Variants in RBKS observed in about 807,000 individuals in gnomAD.
RBKS encodes ribokinase.
Under a neutral mutation model 33.9 loss-of-function variants are expected in RBKS, and 33 were observed. The ratio of observed to expected loss-of-function variants is 0.97; its 90% CI spans 0.74 to 1.30. The LOEUF (loss-of-function observed/expected upper bound fraction) is 1.30, where lower values mean the gene tolerates loss of function less well. Ranked by LOEUF, RBKS falls within the 50% of genes most tolerant of loss-of-function variation. RBKS has a pLI of 0.00. For synonymous variants in RBKS, 125 were observed against 143.0 expected (o/e 0.87, Z 0.90); for missense variants, 361 against 392.6 (o/e 0.92, Z 0.68).
intron 5 of RBKS, among the ~76,000 whole-genome samples, chr2:27,834,721 C>T (rs1464099761): frequency 6.6e-6 from 1 of 152,212 alleles, no homozygotes; most frequent in Non-Finnish European, 1.5e-5. Context: ...CAACTGCTCA[C>T]CTAGTGTAAT....
intron 1 of RBKS, among the ~76,000 whole-genome samples, chr2:27,864,156 A>G (rs1664042158): frequency 6.6e-6 from 1 of 151,670 alleles, no homozygotes; most frequent in Non-Finnish European, 1.5e-5. Flanking sequence ...CCTTCTGATT[A>G]GCTAGGACTA....
At chr2:27,821,202 T>C (rs1414366183) in intron 7 of RBKS, among the ~76,000 whole-genome samples, 1 of 152,214 alleles carries the variant, frequency 6.6e-6, no homozygotes, top group East Asian at 1.9e-4. Context: ...GCCAAACTTA[T>C]GGGTAATAAA....
intron 1 of RBKS, among the ~76,000 whole-genome samples, chr2:27,888,629 C>T (rs771229021): frequency 6.6e-6 from 1 of 152,132 alleles, no homozygotes; most frequent in Non-Finnish European, 1.5e-5. Context: ...TACCATATAA[C>T]CTTTTCTTGA....
intron 1 of RBKS, among the ~76,000 whole-genome samples, chr2:27,884,245 ACT>A (rs1258908339): frequency 2.0e-5 from 3 of 151,994 alleles, no homozygotes; most frequent in Non-Finnish European, 4.4e-5. Flanking sequence ...GTACAGTATA[ACT>A]CTCTTTTATT....
At chr2:27,799,761 T>G (rs1677737870) in intron 7 of RBKS, among the ~76,000 whole-genome samples, 1 of 152,182 alleles carries the variant, frequency 6.6e-6, no homozygotes, top group African/African-American at 2.4e-5. Flanking sequence ...GGTCAGAATT[T>G]CTTCAAGGGA....
intron 7 of RBKS, among the ~76,000 whole-genome samples, chr2:27,801,974 A>ATT: frequency 1.2e-5 from 1 of 84,412 alleles, no homozygotes; most frequent in Non-Finnish European, 2.2e-5. Context: ...ATATATATAT[A>ATT]TATATATATA....
At chr2:27,877,456 T>C (rs1296908059) in intron 1 of RBKS, among the ~76,000 whole-genome samples, 1 of 152,188 alleles carries the variant, frequency 6.6e-6, no homozygotes, top group Non-Finnish European at 1.5e-5. Flanking sequence ...TATGAAAGAA[T>C]ACCTGTATTT....
chr2:27,889,931 T>TG, intron 1 of RBKS: 1 of 274,096 alleles, frequency 3.6e-6, no homozygotes, highest in Admixed American at 5.3e-5. Context: ...CTGGCTCGTT[T>TG]GGGGAAAGGC....
intron 7 of RBKS, among the ~76,000 whole-genome samples, chr2:27,814,327 G>T (rs1418996813): frequency 5.3e-5 from 8 of 152,158 alleles, no homozygotes; most frequent in Non-Finnish European, 8.8e-5. Flanking sequence ...AGCAAAAATA[G>T]CAAAATGTTA....
chr2:27,809,525 G>T (rs540623231), intron 7 of RBKS, among the ~76,000 whole-genome samples: 39 of 152,156 alleles, frequency 2.6e-4, no homozygotes, highest in Admixed American at 9.2e-4. Context: ...TGAGTAAATC[G>T]CAATTAAAAC....
chr2:27,813,554 A>G (rs1031709925), intron 7 of RBKS, among the ~76,000 whole-genome samples: 1 of 152,186 alleles, frequency 6.6e-6, no homozygotes, highest in African/African-American at 2.4e-5. Context: ...ACCTGAAGAA[A>G]TAACCCAGAA....
rs571575046 is a variant in RBKS, at chr2:27,808,501, G to A, written c.795+19066C>T. 1.6e-4 allele frequency among the ~76,000 whole-genome samples: 25 copies of A among 152,316 alleles called. No homozygotes were observed. The South Asian group carries it at 4.8e-3, about 29-fold the overall frequency. On this transcript the variant is annotated intron_variant, in intron 7 of 7. Coordinates refer to ENST00000302188, the MANE Select transcript of RBKS (RefSeq NM_022128.3). ...TCTCAGTCTTCACACAGGTTGAGGTGCTTGGTTGTGGTGCTCAACCTACCT... is the reference window on the plus strand; with the variant it reads ...TCTCAGTCTTCACACAGGTTGAGGTACTTGGTTGTGGTGCTCAACCTACCT...
intron 7 of RBKS, among the ~76,000 whole-genome samples, chr2:27,803,014 G>C (rs1244180461): frequency 1.3e-5 from 2 of 151,758 alleles, no homozygotes; most frequent in African/African-American, 4.9e-5. Flanking sequence ...TATTTTTATA[G>C]AGACAGAGTC....
At chr2:27,789,941 G>GTATATATATA (rs1169639270) in intron 7 of RBKS, among the ~76,000 whole-genome samples, 5 of 96,516 alleles carry the variant, frequency 5.2e-5, no homozygotes, top group Admixed American at 1.3e-4. Flanking sequence ...ATATATATAT[G>GTATATATATA]TATATGTGTA....
chr2:27,824,036 G>C (rs1428708666), intron 7 of RBKS, among the ~76,000 whole-genome samples: 2 of 152,112 alleles, frequency 1.3e-5, no homozygotes, highest in African/African-American at 4.8e-5. Flanking sequence ...CTCATTAGTA[G>C]TCACTCTCCA....
chr2:27,877,505 TAGAG>T (rs1262261202), intron 1 of RBKS, among the ~76,000 whole-genome samples: 1 of 152,180 alleles, frequency 6.6e-6, no homozygotes, highest in Non-Finnish European at 1.5e-5. Context: ...TTTTTTCCCT[TAGAG>T]AGAATTTGAC....
intron 3 of RBKS, among the ~76,000 whole-genome samples, chr2:27,847,359 C>A (rs1663641657): frequency 6.6e-6 from 1 of 151,712 alleles, no homozygotes; most frequent in Non-Finnish European, 1.5e-5. Context: ...ACTTTCGATT[C>A]CCCCCAATTA....
chr2:27,801,960 AAAAATATATATATATAT>A (rs1330630552), intron 7 of RBKS, among the ~76,000 whole-genome samples: 3 of 68,820 alleles, frequency 4.4e-5, no homozygotes, highest in Admixed American at 1.3e-4. Context: ...GAAAAAAAAA[AAAAATATATATATATAT>A]ATATATATAT....
intron 7 of RBKS, among the ~76,000 whole-genome samples, chr2:27,789,963 A>ATATG (rs1677487515): frequency 7.2e-6 from 1 of 138,762 alleles, no homozygotes. Flanking sequence ...ATATATATAT[A>ATATG]TATATATATG....
Sources: gnomAD v4.1 joint callset for allele counts (sites outside exome capture counted in the v4.1 genomes callset) on GRCh38, gnomAD v4.1.1 for gene constraint, MANE v1.5 for transcripts, NCBI Gene and HGNC (gene_info 2026-07-23, HGNC 2026-07-21) for gene names.